The following PRKCB variants were observed in gnomAD, a reference collection of about 807,000 sequenced individuals.
PRKCB encodes protein kinase C beta, also known as protein kinase C beta type.
In PRKCB, 13 loss-of-function variants were observed where a neutral mutation model predicts 81.5. That is an observed-to-expected ratio of 0.16 (90% CI 0.10 to 0.25). The LOEUF (loss-of-function observed/expected upper bound fraction) is 0.25, where lower values mean the gene tolerates loss of function less well. Ranked by LOEUF, PRKCB falls within the 10% of genes least tolerant of loss-of-function variation. The pLI, the probability that PRKCB is intolerant of heterozygous loss-of-function variation, is 1.00. For synonymous variants in PRKCB, 335 were observed against 321.4 expected (o/e 1.04, Z -0.45); for missense variants, 509 against 875.7 (o/e 0.58, Z 5.29).
At position 23,899,638 on chromosome 16, in the gene PRKCB, CTCTCTCTG is replaced by C. The variant is rs1405343615; in HGVS notation, c.205+62234_205+62241del. Among the ~76,000 whole-genome samples the C allele has an allele frequency of 6.3e-3, 106 of 16,722 alleles. 13 individuals carry two copies. In the South Asian group the frequency reaches 0.1, roughly 17 times the overall value. The allele number at this position is 16,722 out of a possible 152,430, so 11.0% of individuals were successfully genotyped here. ...TCTCTCTCTCTCTCTCTCTCTCTCT[CTCTCTCTG>C]TGTGTGTGTGTGTGTGTGTGTGGTT... On this transcript the variant is annotated intron_variant, in intron 2 of 16. Transcript: ENST00000643927.
intron 2 of PRKCB, among the ~76,000 whole-genome samples, chr16:23,862,137 G>C (rs1354462971): frequency 6.6e-6 from 1 of 152,188 alleles, no homozygotes; most frequent in Non-Finnish European, 1.5e-5. Flanking sequence ...GTGCTGTGGA[G>C]ACTCTGGATT....
chr16:24,195,085 C>A (rs1283177752), intron 16 of PRKCB, among the ~76,000 whole-genome samples: 1 of 151,958 alleles, frequency 6.6e-6, no homozygotes, highest in African/African-American at 2.4e-5. Flanking sequence ...CACCTGTAGT[C>A]CCAGCTACTC....
At chr16:23,942,724 G>A (rs1263862446) in intron 2 of PRKCB, among the ~76,000 whole-genome samples, 4 of 152,164 alleles carry the variant, frequency 2.6e-5, no homozygotes, top group Non-Finnish European at 2.9e-5. Flanking sequence ...TTAAAAGTTA[G>A]TTACCTTTCT....
intron 2 of PRKCB, among the ~76,000 whole-genome samples, chr16:23,928,946 T>C (rs967531273): frequency 6.6e-5 from 10 of 152,030 alleles, no homozygotes; most frequent in African/African-American, 2.4e-4. Flanking sequence ...CCCGACCTCC[T>C]GACCTCGTGA....
intron 2 of PRKCB, among the ~76,000 whole-genome samples, chr16:23,960,037 C>T (rs181469859): frequency 5.5e-4 from 83 of 152,194 alleles, no homozygotes; most frequent in Admixed American, 1.0e-3. Flanking sequence ...GTAGTCCATT[C>T]GGTCCATAGG....
At chr16:24,077,188 G>A (rs558769616) in intron 5 of PRKCB, among the ~76,000 whole-genome samples, 1 of 152,262 alleles carries the variant, frequency 6.6e-6, no homozygotes, top group South Asian at 2.1e-4. Flanking sequence ...ACATGCACGT[G>A]TGTGTGTGTC....
intron 9 of PRKCB, among the ~76,000 whole-genome samples, chr16:24,126,390 G>A (rs1966844310): frequency 6.6e-6 from 1 of 152,094 alleles, no homozygotes; most frequent in African/African-American, 2.4e-5. Flanking sequence ...AATTAAATGA[G>A]CACTTTTTTT....
At chr16:24,122,443 A>C (rs1240177242) in intron 8 of PRKCB, among the ~76,000 whole-genome samples, 2 of 128,542 alleles carry the variant, frequency 1.6e-5, no homozygotes, top group Non-Finnish European at 3.0e-5. Flanking sequence ...GGATTCTACC[A>C]CGAGGCTTTT....
chr16:24,218,442 A>G lies in PRKCB; in HGVS notation c.*3626A>G, dbSNP rs1968267388. Reference sequence around the variant, plus strand: ...TGGACCCTACCCAGGAAACAGCTCCATCAGCATCTTAGCCTGCCCCACTCT... The same window carrying G: ...TGGACCCTACCCAGGAAACAGCTCCGTCAGCATCTTAGCCTGCCCCACTCT... On this transcript the variant is annotated 3_prime_UTR_variant, in exon 17 of 17. Transcript: ENST00000643927. 2.0e-6 allele frequency: 2 copies of G among 985,474 alleles called. No individual in the cohort carries two copies. Among genetic ancestry groups the G allele is most frequent in the Non-Finnish European group, 1.2e-6 (1 of 830,002 alleles). 61.0% of individuals were successfully genotyped at this position (985,474 alleles called of 1,614,324 possible).
chr16:24,119,026 T>A (rs1966766713), intron 8 of PRKCB, among the ~76,000 whole-genome samples: 1 of 152,126 alleles, frequency 6.6e-6, no homozygotes, highest in African/African-American at 2.4e-5. Context: ...AAGCTGGGGA[T>A]CTGGGTTTTC....
chr16:23,897,246 C>T (rs1963394848), intron 2 of PRKCB, among the ~76,000 whole-genome samples: 2 of 152,168 alleles, frequency 1.3e-5, no homozygotes, highest in African/African-American at 4.8e-5. Context: ...GGGAGGGACG[C>T]AGTGGGAAAG....
chr16:24,204,972 T>A (rs1238701343), intron 16 of PRKCB, among the ~76,000 whole-genome samples: 1 of 151,660 alleles, frequency 6.6e-6, no homozygotes, highest in Non-Finnish European at 1.5e-5. Context: ...ATACAAAAAT[T>A]AGCTGGGCAT....
chr16:23,909,579 A>C (rs139488337), intron 2 of PRKCB, among the ~76,000 whole-genome samples: 3 of 152,182 alleles, frequency 2.0e-5, no homozygotes, highest in Non-Finnish European at 2.9e-5. Flanking sequence ...AATAATGTAC[A>C]TTGTATCTAC....
Position 23,988,713 on chromosome 16 carries a change from C to T in PRKCB, c.288+123C>T, listed in dbSNP as rs541901713. On this transcript the variant is annotated intron_variant, in intron 3 of 16. Transcript: ENST00000643927. ...TCTCACTCTAAGGCATGTGGTGGTC[C>T]CTATAGCTTTTGAGACAGTTTTCCT... is the stretch of plus-strand genomic sequence containing the variant. The T allele has an allele frequency of 5.7e-6, 5 of 881,822 alleles. No homozygotes were observed. The African/African-American group carries it at 8.5e-5, about 15-fold the overall frequency. 54.6% of individuals were successfully genotyped at this position (881,822 alleles called of 1,614,324 possible). A position where few individuals can be genotyped will look rare whatever the true frequency, so the allele number is the denominator to read the frequency against.
chr16:23,956,677 G>A (rs1414370105), intron 2 of PRKCB, among the ~76,000 whole-genome samples: 1 of 152,104 alleles, frequency 6.6e-6, no homozygotes, highest in Non-Finnish European at 1.5e-5. Flanking sequence ...GCACGAAAGT[G>A]CCTCTTAGAA....
chr16:23,920,370 A>C (rs1328525596), intron 2 of PRKCB, among the ~76,000 whole-genome samples: 1 of 152,252 alleles, frequency 6.6e-6, no homozygotes. Context: ...CAAGCCAACT[A>C]GAATAAATTC....
At chr16:24,154,981 G>T in intron 10 of PRKCB, 124 bp downstream of exon 10, 2 of 1,185,796 alleles carry the variant, frequency 1.7e-6, no homozygotes, top group Admixed American at 5.2e-5. Context: ...ACAGAAAGAT[G>T]TAAGGCCCAG....
At chr16:23,999,456 C>T (rs779647361) in intron 3 of PRKCB, among the ~76,000 whole-genome samples, 8 of 152,202 alleles carry the variant, frequency 5.3e-5, no homozygotes, top group Non-Finnish European at 7.3e-5. Context: ...GAACCAGGCA[C>T]TGTCCCGTGA....
chr16:24,067,956 AAAAGAG>A lies in PRKCB; in HGVS notation c.530-24833_530-24828del, dbSNP rs66466314. On this transcript the variant is annotated intron_variant, in intron 5 of 16. Coordinates refer to ENST00000643927, the MANE Select transcript of PRKCB (RefSeq NM_002738.7). Reference sequence around the variant, plus strand: ...GACTCCGTCTCAAAAAAAAAAAAAAAAAAGAGAGAGAGAGAGAGCTGAGGAAGAGGT... The same window carrying A: ...GACTCCGTCTCAAAAAAAAAAAAAAAAGAGAGAGAGAGCTGAGGAAGAGGT... Among the ~76,000 whole-genome samples the A allele has an allele frequency of 3.7e-3, 558 of 150,982 alleles. 1 individual carries two copies. Among genetic ancestry groups the A allele is most frequent in the Non-Finnish European group, 5.3e-3 (362 of 67,856 alleles).
Sources: allele counts gnomAD v4.1 joint callset (sites outside exome capture counted in the v4.1 genomes callset), GRCh38; gene constraint gnomAD v4.1.1; transcripts MANE v1.5; gene names NCBI Gene and HGNC (gene_info 2026-07-23, HGNC 2026-07-21).